Variants in EXOC2 observed in about 807,000 individuals in gnomAD.
EXOC2 encodes the protein SEC5-like 1.
A neutral mutation model predicts 131.8 loss-of-function variants in EXOC2; 70 were observed. The observed-to-expected ratio is 0.53, with a 90% CI of 0.44 to 0.65. EXOC2 has a LOEUF of 0.65. Among genes scored for constraint, EXOC2 ranks in the 30% least tolerant of loss-of-function variants. The probability of loss-of-function intolerance (pLI) is 0.00; values close to 1 mark genes in which losing one functional copy is unlikely to be tolerated. For synonymous variants in EXOC2, 411 were observed against 398.4 expected (o/e 1.03, Z -0.38); for missense variants, 923 against 1,108.6 (o/e 0.83, Z 2.38).
rs1758601123 is a variant in EXOC2 at position 576,737 on chromosome 6, C to G, written c.1318+20G>C. 3.1e-6 allele frequency: 5 copies of G among 1,609,298 alleles called. No homozygotes were observed. The highest frequency in any genetic ancestry group is 1.7e-5 in the Admixed American group (1 of 59,146). ...AGTACAAATTTAAAAGACCCAGTGGCAGTGGAGGGAGATACTTACTGTCGT... is the reference window on the plus strand; with the variant it reads ...AGTACAAATTTAAAAGACCCAGTGGGAGTGGAGGGAGATACTTACTGTCGT... On this transcript the variant is annotated intron_variant, in intron 12 of 27. Transcript: ENST00000230449.
chr6:576,711 G>A (rs774776469), intron 12 of EXOC2, 46 bp downstream of exon 12: 50 of 1,598,154 alleles, frequency 3.1e-5, no homozygotes, highest in South Asian at 7.9e-5. Flanking sequence ...GAAATTACAC[G>A]AGTACAAATT....
chr6:656,618 G>A, intron 1 of EXOC2: 1 of 1,602,624 alleles, frequency 6.2e-7, no homozygotes, highest in Non-Finnish European at 8.5e-7. Context: ...TGAGGGAGGG[G>A]CGGCGCTTGT....
intron 23 of EXOC2, among the ~76,000 whole-genome samples, chr6:507,034 C>CCACA (rs774156290): frequency 6.1e-5 from 9 of 147,846 alleles, no homozygotes; most frequent in Admixed American, 1.4e-4. Flanking sequence ...ACAGCAGTGA[C>CCACA]CACACACACA....
chr6:648,520 A>G (rs560323871), intron 1 of EXOC2, among the ~76,000 whole-genome samples: 2 of 152,314 alleles, frequency 1.3e-5, no homozygotes, highest in South Asian at 4.1e-4. Context: ...AAAATGTGTC[A>G]TAAGCTCTTT....
At position 653,616 on chromosome 6, in the gene EXOC2, C is replaced by T. The variant is rs565736989; in HGVS notation, c.-43-15755G>A. 8.5e-5 allele frequency among the ~76,000 whole-genome samples: 13 copies of T among 152,318 alleles called. No individual in the cohort carries two copies. In the East Asian group the frequency reaches 9.6e-4, roughly 11 times the overall value. ...GTTAGAGGATGGTTCATAAGGTTTA[C>T]GGAAAGAAGCTATTTCCAGAACATA... On this transcript the variant is annotated intron_variant, in intron 1 of 27. Coordinates refer to ENST00000230449, the MANE Select transcript of EXOC2 (RefSeq NM_018303.6).
chr6:692,625 C>A (rs1764986688), intron 1 of EXOC2, among the ~76,000 whole-genome samples: 1 of 152,284 alleles, frequency 6.6e-6, no homozygotes, highest in African/African-American at 2.4e-5. Flanking sequence ...GTAACACCCG[C>A]CTCGCGTTCA....
chr6:673,618 C>G (rs190176063), intron 1 of EXOC2, among the ~76,000 whole-genome samples: 48 of 152,294 alleles, frequency 3.2e-4, no homozygotes, highest in Admixed American at 7.2e-4. Flanking sequence ...GCCTCATTTA[C>G]TAGATGCCAT....
At chr6:654,802 T>TA (rs1762988525) in intron 1 of EXOC2, among the ~76,000 whole-genome samples, 1 of 3,992 alleles carries the variant, frequency 2.5e-4, no homozygotes, top group African/African-American at 5.8e-4. Flanking sequence ...AGACCCTGTC[T>TA]CAAAAAAAAA....
intron 26 of EXOC2, among the ~76,000 whole-genome samples, chr6:489,506 C>CTT (rs1466449858): frequency 6.6e-6 from 1 of 152,144 alleles, no homozygotes; most frequent in African/African-American, 2.4e-5. Context: ...TTACAGTCTA[C>CTT]TTAAAACTTG....
Position 555,939 on chromosome 6 carries a change from G to C in EXOC2, c.1992+15C>G. ...ATTATTTGAGGCTTTCAGCATTACT[G>C]CTTTCTATTATTACCTGCATTATAT... is the stretch of plus-strand genomic sequence containing the variant. On this transcript the variant is annotated intron_variant, in intron 19 of 27. Transcript: ENST00000230449. The C allele has an allele frequency of 6.2e-7, 1 of 1,612,428 alleles. No homozygotes were observed. Among genetic ancestry groups the C allele is most frequent in the Non-Finnish European group, 8.5e-7 (1 of 1,179,326 alleles).
chr6:499,472 C>CAG (rs1180682334), intron 24 of EXOC2, among the ~76,000 whole-genome samples, 173 bp downstream of exon 24: 18 of 146,928 alleles, frequency 1.2e-4, no homozygotes, highest in South Asian at 6.7e-4. Flanking sequence ...CACACACACA[C>CAG]AGAGACAGAG....
rs1007174683 is a variant in EXOC2, at chr6:562,184, C to G, written c.1851+600G>C. Among the ~76,000 whole-genome samples, 28 of 152,220 alleles carry G rather than the reference C, an allele frequency of 1.8e-4. 1 individual carries two copies. Among genetic ancestry groups the G allele is most frequent in the African/African-American group, 6.8e-4 (28 of 41,458 alleles). On this transcript the variant is annotated intron_variant, in intron 17 of 27. Coordinates refer to ENST00000230449, the MANE Select transcript of EXOC2 (RefSeq NM_018303.6). Reference sequence around the variant, plus strand: ...GCTGCTGTGAGAGACAGAAGTCCCCCCCTGGTGAAAGCCACTGGGATGTGT... The same window carrying G: ...GCTGCTGTGAGAGACAGAAGTCCCCGCCTGGTGAAAGCCACTGGGATGTGT...
At chr6:536,307 T>C (rs914386669) in intron 22 of EXOC2, among the ~76,000 whole-genome samples, 12 of 151,364 alleles carry the variant, frequency 7.9e-5, no homozygotes, top group African/African-American at 2.9e-4. Context: ...GCAGAGTCAA[T>C]AACAAAAATC....
chr6:634,161 G>A (rs1173777079), intron 2 of EXOC2, among the ~76,000 whole-genome samples: 10 of 151,882 alleles, frequency 6.6e-5, no homozygotes, highest in South Asian at 2.1e-4. Flanking sequence ...CATCTCCCAC[G>A]CTCAAGCAAT....
chr6:598,030 C>T lies in EXOC2; in HGVS notation c.1064G>A (p.Arg355His), dbSNP rs944019083. The change falls in exon 10 of 28, where the codon CGT becomes CAT. Residue 355 changes from arginine to histidine, a missense_variant. Physicochemically the swap from Arg to His is conservative, Grantham distance 29. Coordinates refer to ENST00000230449, the MANE Select transcript of EXOC2 (RefSeq NM_018303.6). ...ETPSTLHDQK[R>H]YIRYLSDLHA... The stretch of plus-strand genomic sequence containing the variant: ...TTTGCAGAAGATTTACCTTATGTAA[C>T]GTTTTTGGTCATGTAAAGTTGATGG... 24 of 1,611,346 alleles carry T rather than the reference C, an allele frequency of 1.5e-5. No individual in the cohort carries two copies. The African/African-American group carries it at 1.7e-4, about 12-fold the overall frequency.
rs1358537801 is a variant in EXOC2 at position 485,256 on chromosome 6, G to A, written c.*1415C>T. 1 of 152,186 alleles carries A rather than the reference G, an allele frequency of 6.6e-6. No homozygotes were observed. Among genetic ancestry groups the A allele is most frequent in the South Asian group, 2.1e-4 (1 of 4,828 alleles). 9.4% of individuals were successfully genotyped at this position (152,186 alleles called of 1,614,324 possible). A position where few individuals can be genotyped will look rare whatever the true frequency, so the allele number is the denominator to read the frequency against. ...TTAAACTTAGCTCACAGTTGAGTTA[G>A]ATACAACAGTTAACATACTTAGGAA... On this transcript the variant is annotated 3_prime_UTR_variant, in exon 28 of 28. Coordinates refer to ENST00000230449, the MANE Select transcript of EXOC2 (RefSeq NM_018303.6).
rs1021419204 is a variant in EXOC2, at chr6:595,780, C to T, written c.1073+2241G>A. On this transcript the variant is annotated intron_variant, in intron 10 of 27. Coordinates refer to ENST00000230449, the MANE Select transcript of EXOC2 (RefSeq NM_018303.6). ...AGGGCAGGAAACAGCAGCCTCAGGA[C>T]GTCTGAGGCTACCCAGCTGCGTGTC... Among the ~76,000 whole-genome samples the T allele has an allele frequency of 2.6e-5, 4 of 152,164 alleles. No homozygotes were observed. The South Asian group carries it at 6.2e-4, about 24-fold the overall frequency.
chr6:669,404 C>CTGT (rs548697360), intron 1 of EXOC2: 91 of 152,656 alleles, frequency 6.0e-4, no homozygotes, highest in African/African-American at 2.1e-3. Context: ...ACCCTAGGAA[C>CTGT]AGTTGATTCT....
At chr6:511,850 CA>C (rs1436081996) in intron 23 of EXOC2, among the ~76,000 whole-genome samples, 1 of 152,244 alleles carries the variant, frequency 6.6e-6, no homozygotes, top group Non-Finnish European at 1.5e-5. Flanking sequence ...ATTCTATTAG[CA>C]ATGACTCATC....
Sources: allele counts gnomAD v4.1 joint callset (sites outside exome capture counted in the v4.1 genomes callset), GRCh38; gene constraint gnomAD v4.1.1; transcripts MANE v1.5; gene names NCBI Gene and HGNC (gene_info 2026-07-23, HGNC 2026-07-21).